ARHGAP20: variants seen among roughly 807,000 people sequenced by gnomAD.
ARHGAP20 encodes Rho GTPase activating protein 20.
A neutral mutation model predicts 73.7 loss-of-function variants in ARHGAP20; 34 were observed. The ratio of observed to expected loss-of-function variants is 0.46; its 90% confidence interval spans 0.35 to 0.61. The LOEUF (loss-of-function observed/expected upper bound fraction) is 0.61. ARHGAP20 is among the 20% of genes least tolerant of loss of function. The pLI is 0.00. For missense variants in ARHGAP20, 1,314 were observed against 1,420.9 expected (o/e 0.92, Z 1.21); for synonymous variants, 523 against 518.2 (o/e 1.01, Z -0.13).
intron 1 of ARHGAP20, among the ~76,000 whole-genome samples, chr11:110,693,466 T>G (rs1950280365): frequency 6.6e-6 from 1 of 151,950 alleles, no homozygotes; most frequent in African/African-American, 2.4e-5. Flanking sequence ...ACCGTGGATA[T>G]GCAAGAAAAT....
At chr11:110,688,430 T>G (rs966153054) in intron 2 of ARHGAP20, among the ~76,000 whole-genome samples, 1 of 152,102 alleles carries the variant, frequency 6.6e-6, no homozygotes, top group African/African-American at 2.4e-5. Flanking sequence ...TACTTTTAAG[T>G]GAAAAACCTT....
intron 2 of ARHGAP20, among the ~76,000 whole-genome samples, chr11:110,650,837 A>G (rs7129333): frequency 0.025 from 3,880 of 152,222 alleles, 153 homozygotes; most frequent in African/African-American, 0.082. Flanking sequence ...TACCCCTCTC[A>G]AAGACCTGGG....
At chr11:110,654,478 GT>G (rs1221967244) in intron 2 of ARHGAP20, among the ~76,000 whole-genome samples, 24 of 152,266 alleles carry the variant, frequency 1.6e-4, no homozygotes, top group Non-Finnish European at 2.2e-4. Flanking sequence ...TAAAATTTTA[GT>G]AATAATGAAA....
At chr11:110,642,175 T>A (rs1565454287) in intron 2 of ARHGAP20, among the ~76,000 whole-genome samples, 1 of 152,262 alleles carries the variant, frequency 6.6e-6, no homozygotes, top group East Asian at 1.9e-4. Flanking sequence ...AATTGACCAG[T>A]TCTAAGAGCC....
intron 4 of ARHGAP20, among the ~76,000 whole-genome samples, chr11:110,617,959 G>A (rs1463648882): frequency 3.3e-5 from 5 of 152,094 alleles, no homozygotes; most frequent in South Asian, 4.2e-4. Flanking sequence ...AGAGTGAGCC[G>A]GGAACCATAT....
chr11:110,670,164 T>C (rs1017925480), intron 2 of ARHGAP20, among the ~76,000 whole-genome samples: 1 of 152,088 alleles, frequency 6.6e-6, no homozygotes, highest in Non-Finnish European at 1.5e-5. Context: ...ATATAACATA[T>C]AAAAATTCAT....
intron 2 of ARHGAP20, among the ~76,000 whole-genome samples, chr11:110,648,730 G>T (rs1949283577): frequency 6.6e-6 from 1 of 151,980 alleles, no homozygotes; most frequent in Non-Finnish European, 1.5e-5. Flanking sequence ...AGATCCACCT[G>T]CCTAGGCCTC....
chr11:110,695,643 A>C (rs567507829), intron 1 of ARHGAP20, among the ~76,000 whole-genome samples: 7 of 151,610 alleles, frequency 4.6e-5, no homozygotes, highest in African/African-American at 1.7e-4. Flanking sequence ...CACATCACAC[A>C]CATTAGGACG....
At chr11:110,599,689 T>G (rs1260949233) in intron 9 of ARHGAP20, among the ~76,000 whole-genome samples, 5 of 152,092 alleles carry the variant, frequency 3.3e-5, no homozygotes, top group Admixed American at 2.6e-4. Context: ...AGCCAGCTCT[T>G]CCTCCCCTCT....
At chr11:110,683,032 C>T (rs923092865) in intron 2 of ARHGAP20, among the ~76,000 whole-genome samples, 1 of 151,992 alleles carries the variant, frequency 6.6e-6, no homozygotes, top group African/African-American at 2.4e-5. Context: ...TGCAAACAGC[C>T]CAAACGCAAT....
intron 2 of ARHGAP20, among the ~76,000 whole-genome samples, chr11:110,665,857 A>G (rs936714734): frequency 1.3e-5 from 2 of 152,180 alleles, no homozygotes; most frequent in African/African-American, 2.4e-5. Flanking sequence ...AAGTAGAGAA[A>G]CCTAATGAAT....
At chr11:110,689,310 G>C (rs543073021) in intron 2 of ARHGAP20, among the ~76,000 whole-genome samples, 16 of 152,050 alleles carry the variant, frequency 1.1e-4, no homozygotes, top group African/African-American at 3.9e-4. Context: ...ATATGTCATA[G>C]ATATATCCTT....
intron 6 of ARHGAP20, among the ~76,000 whole-genome samples, chr11:110,612,519 T>C (rs531102424): frequency 3.2e-4 from 48 of 152,180 alleles, no homozygotes; most frequent in Non-Finnish European, 6.3e-4. Flanking sequence ...AATACATTAT[T>C]TAAATATAAA....
At chr11:110,642,376 G>A (rs183668412) in intron 2 of ARHGAP20, among the ~76,000 whole-genome samples, 1 of 152,252 alleles carries the variant, frequency 6.6e-6, no homozygotes, top group East Asian at 1.9e-4. Flanking sequence ...GGTTCTCAAA[G>A]AGAATGGATC....
intron 2 of ARHGAP20, among the ~76,000 whole-genome samples, chr11:110,678,277 T>C (rs746294163): frequency 5.3e-5 from 8 of 152,130 alleles, no homozygotes; most frequent in Non-Finnish European, 8.8e-5. Flanking sequence ...GGGATGAAAA[T>C]GAAGATTTTG....
At chr11:110,663,027 C>T (rs1591153706) in intron 2 of ARHGAP20, among the ~76,000 whole-genome samples, 1 of 151,872 alleles carries the variant, frequency 6.6e-6, no homozygotes, top group African/African-American at 2.4e-5. Flanking sequence ...CATACTACAT[C>T]TCAGAATTTG....
intron 4 of ARHGAP20, among the ~76,000 whole-genome samples, chr11:110,616,686 C>CT (rs58360001): frequency 0.26 from 35,902 of 140,138 alleles, 4,656 homozygotes; most frequent in East Asian, 0.35. Flanking sequence ...ACATTTTTTT[C>CT]TTTTTTTTTT....
intron 9 of ARHGAP20, among the ~76,000 whole-genome samples, chr11:110,594,423 T>C (rs957525808): frequency 1.9e-4 from 29 of 152,196 alleles, no homozygotes; most frequent in Admixed American, 3.9e-4. Context: ...TAGGATAATC[T>C]ATAAAAGTAG....
chr11:110,698,732 T>A (rs1950385855), intron 1 of ARHGAP20, among the ~76,000 whole-genome samples: 1 of 151,934 alleles, frequency 6.6e-6, no homozygotes, highest in Non-Finnish European at 1.5e-5. Flanking sequence ...TCTGTGATGA[T>A]CTTTTGTATC....
Sources: allele counts gnomAD v4.1 joint callset (sites outside exome capture counted in the v4.1 genomes callset), GRCh38; gene constraint gnomAD v4.1.1; transcripts MANE v1.5; gene names NCBI Gene and HGNC (gene_info 2026-07-23, HGNC 2026-07-21).